The following TOMM7 variants were observed in gnomAD, a reference collection of about 807,000 sequenced individuals.
TOMM7 encodes translocase of outer mitochondrial membrane 7.
A neutral mutation model predicts 9.5 loss-of-function variants in TOMM7; 8 were observed. The observed-to-expected ratio is 0.84, with a 90% CI of 0.49 to 1.51. The LOEUF (loss-of-function observed/expected upper bound fraction) is 1.51, where lower values mean the gene tolerates loss of function less well. Ranked by LOEUF, TOMM7 falls within the 40% of genes most tolerant of loss-of-function variation. The pLI, the probability that TOMM7 is intolerant of heterozygous loss-of-function variation, is 0.00. For missense variants in TOMM7, 74 were observed against 63.7 expected (o/e 1.16, Z -0.55); for synonymous variants, 27 against 21.4 (o/e 1.26, Z -0.72).
chr7:22,816,012 T>A (rs1273099838), intron 2 of TOMM7, among the ~76,000 whole-genome samples: 3 of 152,088 alleles, frequency 2.0e-5, no homozygotes, highest in Admixed American at 6.5e-5. Context: ...AACAAAGGCA[T>A]AAAAATATAT....
At chr7:22,814,522 G>T (rs1782292377) in intron 2 of TOMM7, among the ~76,000 whole-genome samples, 1 of 151,896 alleles carries the variant, frequency 6.6e-6, no homozygotes, top group Non-Finnish European at 1.5e-5. Context: ...CACAAAAAAA[G>T]ATCTATGAAG....
chr7:22,818,245 C>T (rs1206341501), intron 1 of TOMM7, 197 bp from the exon 2 acceptor site: 1 of 524,894 alleles, frequency 1.9e-6, no homozygotes, highest in East Asian at 3.3e-5. Context: ...ATGTCCAGGA[C>T]TAATCAGTAG....
At chr7:22,814,186 A>G (rs1470140961) in intron 2 of TOMM7, among the ~76,000 whole-genome samples, 1 of 144,904 alleles carries the variant, frequency 6.9e-6, no homozygotes, top group Non-Finnish European at 1.5e-5. Flanking sequence ...AAAAAAAAAT[A>G]CAAAAATACA....
chr7:22,822,836 C>A lies in TOMM7; in HGVS notation c.-57G>T, dbSNP rs920139879. On this transcript the variant is annotated 5_prime_UTR_variant, in exon 1 of 3. Coordinates refer to ENST00000358435, the MANE Select transcript of TOMM7 (RefSeq NM_019059.5). The stretch of plus-strand genomic sequence containing the variant: ...TTACAGCAACCACAGCGTCGGGAAT[C>A]CGAAAGGGAAAGGAGGTGCGCAGGC... The A allele has an allele frequency of 1.6e-5, 24 of 1,462,744 alleles. No individual in the cohort carries two copies. The Admixed American group carries it at 4.0e-4, about 25-fold the overall frequency. The allele number at this position is 1,462,744 out of a possible 1,614,324, so 90.6% of individuals were successfully genotyped here.
At chr7:22,820,813 A>T (rs938161161) in intron 1 of TOMM7, among the ~76,000 whole-genome samples, 97 of 152,288 alleles carry the variant, frequency 6.4e-4, no homozygotes, top group African/African-American at 2.3e-3. Flanking sequence ...ATGTTTTTTT[A>T]AAAAATTGCA....
chr7:22,822,761 CTT>C lies in TOMM7; in HGVS notation c.17_18del (p.Lys6ArgfsTer31). Reference sequence around the variant, plus strand: ...AGCTGCTGTAGTCTCTGCTTGGCCTCTTTGCTCAGCTTCACCATGGCGACGGC... The same window carrying C: ...AGCTGCTGTAGTCTCTGCTTGGCCTCTGCTCAGCTTCACCATGGCGACGGC... MVKLS[K>X]EAKQRLQQLF... On this transcript the variant is annotated frameshift_variant, in exon 1 of 3. Transcript: ENST00000358435. LOFTEE classifies it high-confidence loss of function. 6.2e-7 allele frequency: 1 copy of C among 1,614,194 alleles called. No homozygotes were observed. The highest frequency in any genetic ancestry group is 8.5e-7 in the Non-Finnish European group (1 of 1,180,020).
At chr7:22,822,139 C>A (rs1782401560) in intron 1 of TOMM7, 2 of 1,549,854 alleles carry the variant, frequency 1.3e-6, no homozygotes, top group East Asian at 2.4e-5. Context: ...AGTTTCTCTA[C>A]GGCTGTTTCC....
intron 1 of TOMM7, chr7:22,818,265 G>A (rs1782342294): frequency 6.3e-6 from 3 of 473,824 alleles, no homozygotes; most frequent in East Asian, 7.6e-5. Context: ...GGAAGAACAA[G>A]CTATCTTATT....
In TOMM7 at chr7:22,813,138, T is replaced by C. The variant is rs368421212; in HGVS notation, c.*32A>G. On this transcript the variant is annotated 3_prime_UTR_variant, in exon 3 of 3. Transcript: ENST00000358435. ...ACACATCTTCCATGCTGTCCGCTGATTGCCTCCAAATCCAGAAGACCAAAT... is the reference window on the plus strand; with the variant it reads ...ACACATCTTCCATGCTGTCCGCTGACTGCCTCCAAATCCAGAAGACCAAAT... 1.2e-5 allele frequency: 19 copies of C among 1,613,006 alleles called. 1 individual carries two copies. Among genetic ancestry groups the C allele is most frequent in the Middle Eastern group, 1.6e-4 (1 of 6,078 alleles).
chr7:22,822,668 C>T lies in TOMM7; in HGVS notation c.103+9G>A. 1.9e-6 allele frequency: 3 copies of T among 1,610,918 alleles called. No individual in the cohort carries two copies. Among genetic ancestry groups the T allele is most frequent in the Non-Finnish European group, 2.5e-6 (3 of 1,177,076 alleles). ...CTCCAGTCACTTTCCCGGTTCTTCTCCCACTGACCCAGGTAAATCACAAGA... is the reference window on the plus strand; with the variant it reads ...CTCCAGTCACTTTCCCGGTTCTTCTTCCACTGACCCAGGTAAATCACAAGA... On this transcript the variant is annotated intron_variant, in intron 1 of 2. Transcript: ENST00000358435.
At chr7:22,819,392 G>A (rs149035746) in intron 1 of TOMM7, among the ~76,000 whole-genome samples, 11,536 of 149,120 alleles carry the variant, frequency 0.077, 974 homozygotes, top group East Asian at 0.48. Flanking sequence ...TTTTTGAGAC[G>A]GAGTCTCGCT....
At chr7:22,819,155 A>G (rs957001786) in intron 1 of TOMM7, among the ~76,000 whole-genome samples, 1 of 152,156 alleles carries the variant, frequency 6.6e-6, no homozygotes, top group Non-Finnish European at 1.5e-5. Context: ...CTGATGACAT[A>G]TATGTTCACT....
At position 22,822,674 on chromosome 7, in the gene TOMM7, G is replaced by A. The variant is rs780549029; in HGVS notation, c.103+3C>T. 3.1e-6 allele frequency: 5 copies of A among 1,612,044 alleles called. No homozygotes were observed. The highest frequency in any genetic ancestry group is 1.7e-6 in the Non-Finnish European group (2 of 1,178,278). Reference sequence around the variant, plus strand: ...TCACTTTCCCGGTTCTTCTCCCACTGACCCAGGTAAATCACAAGAGGGATA... The same window carrying A: ...TCACTTTCCCGGTTCTTCTCCCACTAACCCAGGTAAATCACAAGAGGGATA... On this transcript the variant is annotated splice_donor_region_variant and intron_variant, in intron 1 of 2. Coordinates refer to ENST00000358435, the MANE Select transcript of TOMM7 (RefSeq NM_019059.5).
At chr7:22,814,645 A>C (rs1055240201) in intron 2 of TOMM7, among the ~76,000 whole-genome samples, 3 of 152,176 alleles carry the variant, frequency 2.0e-5, no homozygotes, top group Admixed American at 6.5e-5. Context: ...ATTTTGCCTA[A>C]ATGTTTTACA....
chr7:22,822,637 T>A, intron 1 of TOMM7, 40 bp downstream of exon 1: 1 of 1,565,334 alleles, frequency 6.4e-7, no homozygotes, highest in Non-Finnish European at 8.8e-7. Flanking sequence ...TCCGCCACCC[T>A]CTTCCCTCCA....
chr7:22,820,557 A>G (rs1782372785), intron 1 of TOMM7, among the ~76,000 whole-genome samples: 1 of 152,208 alleles, frequency 6.6e-6, no homozygotes, highest in African/African-American at 2.4e-5. Flanking sequence ...GCACGCTAAA[A>G]TAGGACCTCG....
At chr7:22,822,536 C>A in intron 1 of TOMM7, 141 bp downstream of exon 1, 1 of 800,878 alleles carries the variant, frequency 1.2e-6, no homozygotes, top group Admixed American at 2.2e-5. Flanking sequence ...TTAGATCGGC[C>A]CCACTTGACC....
chr7:22,818,183 C>A, intron 1 of TOMM7, 135 bp from the exon 2 acceptor site: 1 of 704,196 alleles, frequency 1.4e-6, no homozygotes. Flanking sequence ...CCAGTACTAT[C>A]TAAATTTACC....
intron 2 of TOMM7, among the ~76,000 whole-genome samples, chr7:22,814,284 A>C (rs1244197694): frequency 6.8e-6 from 1 of 147,712 alleles, no homozygotes; most frequent in Non-Finnish European, 1.5e-5. Flanking sequence ...TGGGAGGCGG[A>C]GGTTGCAGTG....
Sources: gnomAD v4.1 joint callset for allele counts (sites outside exome capture counted in the v4.1 genomes callset) on GRCh38, gnomAD v4.1.1 for gene constraint, MANE v1.5 for transcripts, NCBI Gene and HGNC (gene_info 2026-07-23, HGNC 2026-07-21) for gene names.